The following PTPRQ variants were observed in gnomAD, a reference collection of about 807,000 sequenced individuals.
The protein encoded by PTPRQ is protein tyrosine phosphatase receptor type Q, also known as phosphatidylinositol phosphatase PTPRQ.
PTPRQ carries 199 observed loss-of-function variants against 246.0 expected under a neutral mutation model. The ratio of observed to expected loss-of-function variants is 0.81; its 90% CI spans 0.72 to 0.91. The LOEUF (loss-of-function observed/expected upper bound fraction) is 0.91. Among genes scored for constraint, PTPRQ ranks in the 40% least tolerant of loss-of-function variants. The pLI is 0.00. For synonymous variants in PTPRQ, 869 were observed against 853.2 expected (o/e 1.02, Z -0.32); for missense variants, 2,624 against 2,528.4 (o/e 1.04, Z -0.81).
chr12:80,628,235 C>T (rs979913014), intron 33 of PTPRQ, among the ~76,000 whole-genome samples: 6 of 152,190 alleles, frequency 3.9e-5, no homozygotes, highest in Non-Finnish European at 8.8e-5. Context: ...TTAGGTGATA[C>T]ATGCTGCTTT....
chr12:80,593,879 A>G (rs1897882665), intron 26 of PTPRQ, among the ~76,000 whole-genome samples: 1 of 152,052 alleles, frequency 6.6e-6, no homozygotes, highest in Non-Finnish European at 1.5e-5. Context: ...ATGAAATGGA[A>G]TGGGACTCTC....
chr12:80,444,941 A>C, intron 2 of PTPRQ, 92 bp downstream of exon 2: 23 of 1,342,680 alleles, frequency 1.7e-5, no homozygotes, highest in Non-Finnish European at 2.2e-5. Context: ...CAACATGTAC[A>C]TTAAATTCAT....
At chr12:80,495,793 T>C (rs1239973386) in intron 12 of PTPRQ, among the ~76,000 whole-genome samples, 2 of 152,050 alleles carry the variant, frequency 1.3e-5, no homozygotes, top group African/African-American at 4.8e-5. Context: ...TTTAAATTAT[T>C]GCCTTAATAT....
intron 17 of PTPRQ, among the ~76,000 whole-genome samples, chr12:80,514,163 G>T (rs977855021): frequency 6.6e-6 from 1 of 151,524 alleles, no homozygotes; most frequent in Non-Finnish European, 1.5e-5. Flanking sequence ...CTCTTTTTTC[G>T]TAGTGCAAAA....
chr12:80,655,869 A>C (rs1900417091), intron 38 of PTPRQ, among the ~76,000 whole-genome samples: 1 of 152,318 alleles, frequency 6.6e-6, no homozygotes, highest in African/African-American at 2.4e-5. Context: ...CAGAATGCCA[A>C]ATATCACAGC....
At position 80,588,199 on chromosome 12, in the gene PTPRQ, A is replaced by T. The variant is rs193243651; in HGVS notation, c.4356A>T (p.Arg1452Ser). 1.6e-5 allele frequency: 25 copies of T among 1,551,522 alleles called. No homozygotes were observed. The East Asian group carries it at 2.7e-4, about 17-fold the overall frequency. Residue 1452 changes from arginine to serine, a missense_variant, in exon 26 of 45, where the codon AGA becomes AGT. Coordinates refer to ENST00000644991, the MANE Select transcript of PTPRQ (RefSeq NM_001145026.2). Reference sequence around the variant, plus strand: ...CTAGTGCAACATTGACATGGATAAGACCTGACACTATCCTTGGCTACTTTC... The same window carrying T: ...CTAGTGCAACATTGACATGGATAAGTCCTGACACTATCCTTGGCTACTTTC... ...QSTSATLTWI[R>S]PDTILGYFQN...
intron 17 of PTPRQ, 42 bp downstream of exon 17, chr12:80,510,485 T>C: frequency 1.4e-6 from 2 of 1,480,298 alleles, no homozygotes; most frequent in South Asian, 2.7e-5. Flanking sequence ...GAACAGATAT[T>C]AATCTGTAAC....
At chr12:80,568,270 CTT>C (rs1897037785) in intron 25 of PTPRQ, among the ~76,000 whole-genome samples, 1 of 152,028 alleles carries the variant, frequency 6.6e-6, no homozygotes, top group Non-Finnish European at 1.5e-5. Flanking sequence ...TGTATAAAAA[CTT>C]ATCAAGAATT....
intron 35 of PTPRQ, among the ~76,000 whole-genome samples, chr12:80,640,025 C>T (rs997875180): frequency 4.2e-3 from 599 of 143,008 alleles, no homozygotes; most frequent in Non-Finnish European, 6.7e-3. Context: ...TGAAGATACA[C>T]GTGTGTGTGT....
chr12:80,481,953 A>G (rs1894078444), intron 8 of PTPRQ, among the ~76,000 whole-genome samples: 1 of 138,488 alleles, frequency 7.2e-6, no homozygotes, highest in Non-Finnish European at 1.6e-5. Context: ...ATACTGCCCA[A>G]GGTAATTTAC....
intron 26 of PTPRQ, among the ~76,000 whole-genome samples, chr12:80,595,127 A>G (rs1054636214): frequency 5.3e-5 from 8 of 152,022 alleles, no homozygotes; most frequent in African/African-American, 1.7e-4. Flanking sequence ...TGTTTTCGCT[A>G]TGTTTTTAAG....
chr12:80,670,213 G>A (rs866817487), intron 41 of PTPRQ, 131 bp from the exon 42 acceptor site: 1 of 1,320,002 alleles, frequency 7.6e-7, no homozygotes, highest in Non-Finnish European at 1.0e-6. Flanking sequence ...AGGAAATAAT[G>A]AAAACATTTT....
chr12:80,459,007 T>C (rs1393235405), intron 4 of PTPRQ, among the ~76,000 whole-genome samples: 2 of 152,260 alleles, frequency 1.3e-5, no homozygotes, highest in Non-Finnish European at 2.9e-5. Flanking sequence ...CCAACTTGTT[T>C]GTATATTCAC....
intron 17 of PTPRQ, among the ~76,000 whole-genome samples, chr12:80,516,179 G>A (rs915717301): frequency 6.6e-6 from 1 of 152,144 alleles, no homozygotes; most frequent in Non-Finnish European, 1.5e-5. Context: ...TGTTCCAGTA[G>A]AACTTATTTA....
intron 28 of PTPRQ, among the ~76,000 whole-genome samples, chr12:80,611,441 T>G (rs1046204864): frequency 6.7e-6 from 1 of 150,296 alleles, no homozygotes; most frequent in Non-Finnish European, 1.5e-5. Context: ...GTCTGTAAAG[T>G]TATGGTTCTA....
At chr12:80,460,946 G>T in intron 6 of PTPRQ, 44 bp downstream of exon 6, 1 of 399,112 alleles carries the variant, frequency 2.5e-6, no homozygotes, top group Non-Finnish European at 4.4e-6. Flanking sequence ...AATGATTAGA[G>T]AATAATGTTT....
At chr12:80,594,313 T>C (rs1234224427) in intron 26 of PTPRQ, among the ~76,000 whole-genome samples, 2 of 151,884 alleles carry the variant, frequency 1.3e-5, no homozygotes, top group African/African-American at 4.8e-5. Flanking sequence ...TAAATAGGAG[T>C]CTATAATTCA....
chr12:80,635,205 G>A (rs1379946461), intron 35 of PTPRQ, 132 bp downstream of exon 35: 24 of 1,357,612 alleles, frequency 1.8e-5, no homozygotes, highest in Non-Finnish European at 2.2e-5. Context: ...TTCAAAGAGT[G>A]ACCTCCGTCT....
chr12:80,670,557 T>C (rs894517012), intron 42 of PTPRQ, 65 bp downstream of exon 42: 1 of 1,406,484 alleles, frequency 7.1e-7, no homozygotes, highest in Non-Finnish European at 9.3e-7. Context: ...ATTCCATTGG[T>C]TATTTTTTAT....
Sources: allele counts gnomAD v4.1 joint callset (sites outside exome capture counted in the v4.1 genomes callset), GRCh38; gene constraint gnomAD v4.1.1; transcripts MANE v1.5; gene names NCBI Gene and HGNC (gene_info 2026-07-23, HGNC 2026-07-21).